The following CSMD1 variants were observed in gnomAD, a reference collection of about 807,000 sequenced individuals.
CSMD1 encodes CUB and sushi domain-containing protein 1.
Under a neutral mutation model 417.5 loss-of-function variants are expected in CSMD1, and 213 were observed. The ratio of observed to expected loss-of-function variants is 0.51; its 90% CI spans 0.46 to 0.57. The LOEUF (loss-of-function observed/expected upper bound fraction) is 0.57, where lower values mean the gene tolerates loss of function less well. Among genes scored for constraint, CSMD1 ranks in the 20% least tolerant of loss-of-function variants. CSMD1 has a pLI of 0.00. For missense variants in CSMD1, 6,923 were observed against 4,529.7 expected (o/e 1.53, Z -15.17); for synonymous variants, 2,862 against 1,736.8 (o/e 1.65, Z -16.11).
chr8:4,416,457 TAATA>T lies in CSMD1; in HGVS notation c.415+3492_415+3495del, dbSNP rs528946879. On this transcript the variant is annotated intron_variant, in intron 3 of 69. Transcript: ENST00000635120. ...TAGAAAACATTTGAAATTATATTCA[TAATA>T]AACACGTGCATTAAAATTGATATTT... 3.5e-3 allele frequency among the ~76,000 whole-genome samples: 530 copies of T among 152,248 alleles called. 5 individuals are homozygous for T. Among genetic ancestry groups the T allele is most frequent in the Non-Finnish European group, 4.9e-3 (330 of 67,974 alleles).
intron 1 of CSMD1, among the ~76,000 whole-genome samples, chr8:4,916,554 G>A (rs556346456): frequency 2.1e-3 from 326 of 152,266 alleles, no homozygotes; most frequent in Non-Finnish European, 3.7e-3. Context: ...AATGCACGTG[G>A]CACTCAAATA....
intron 3 of CSMD1, among the ~76,000 whole-genome samples, chr8:4,412,320 A>G (rs1796694670): frequency 6.6e-6 from 1 of 151,990 alleles, no homozygotes; most frequent in South Asian, 2.1e-4. Context: ...ACACAGCGCA[A>G]AAGATTCACC....
intron 23 of CSMD1, among the ~76,000 whole-genome samples, chr8:3,336,295 C>G (rs1307547599): frequency 6.6e-6 from 1 of 152,130 alleles, no homozygotes; most frequent in African/African-American, 2.4e-5. Flanking sequence ...GCCCCTGAAC[C>G]CTGAGAACTG....
chr8:3,812,934 G>T (rs114628601), intron 5 of CSMD1, among the ~76,000 whole-genome samples: 1 of 152,046 alleles, frequency 6.6e-6, no homozygotes, highest in Non-Finnish European at 1.5e-5. Context: ...CTTTGATAAC[G>T]TCAGGTATCT....
chr8:3,610,323 A>C (rs113251574), intron 8 of CSMD1, among the ~76,000 whole-genome samples: 19 of 152,282 alleles, frequency 1.2e-4, no homozygotes, highest in African/African-American at 4.6e-4. Flanking sequence ...GCTTGAGGCC[A>C]GGAGTTAGAA....
chr8:4,025,396 T>C (rs1379600562), intron 4 of CSMD1, among the ~76,000 whole-genome samples: 1 of 152,232 alleles, frequency 6.6e-6, no homozygotes, highest in African/African-American at 2.4e-5. Flanking sequence ...AAGTAATTTA[T>C]AATCTATCCT....
rs371962193 is a variant in CSMD1, at chr8:3,436,947, T to TA, written c.1562-27343dup. On this transcript the variant is annotated intron_variant, in intron 12 of 69. Transcript: ENST00000635120. ...TTCTCCAAAAAAAAGAGTGTGAAGC[T>TA]AAAAAAAAGAGAGAAAAAAGCATGC... Among the ~76,000 whole-genome samples, 55 of 151,658 alleles carry TA rather than the reference T, an allele frequency of 3.6e-4. 1 individual carries two copies. Among genetic ancestry groups the TA allele is most frequent in the African/African-American group, 8.9e-4 (37 of 41,344 alleles).
At chr8:3,391,203 T>C (rs1979828) in intron 17 of CSMD1, among the ~76,000 whole-genome samples, 71,834 of 152,004 alleles carry the variant, frequency 0.47, 17,419 homozygotes, top group African/African-American at 0.57. Flanking sequence ...CACGCACATA[T>C]AAACCACTAA....
chr8:3,479,939 CAGAAG>C (rs1345280602), intron 11 of CSMD1, among the ~76,000 whole-genome samples: 4 of 151,884 alleles, frequency 2.6e-5, no homozygotes, highest in African/African-American at 9.7e-5. Flanking sequence ...CTAAAAATAA[CAGAAG>C]AGAAAACTAA....
intron 3 of CSMD1, among the ~76,000 whole-genome samples, chr8:4,415,471 CTG>C (rs1319754642): frequency 1.3e-5 from 2 of 152,178 alleles, no homozygotes; most frequent in Non-Finnish European, 2.9e-5. Flanking sequence ...TGAGCCCACT[CTG>C]TGATGGCCTC....
At chr8:4,883,848 T>G (rs936643781) in intron 1 of CSMD1, among the ~76,000 whole-genome samples, 1 of 152,088 alleles carries the variant, frequency 6.6e-6, no homozygotes, top group African/African-American at 2.4e-5. Flanking sequence ...GATTTATAAC[T>G]GGGGGTGAAA....
chr8:3,257,029 A>G (rs1800702953), intron 26 of CSMD1, among the ~76,000 whole-genome samples: 1 of 152,194 alleles, frequency 6.6e-6, no homozygotes, highest in African/African-American at 2.4e-5. Context: ...TCATTCAGAA[A>G]TACTTCTGAG....
At chr8:3,297,524 G>C (rs1046829313) in intron 25 of CSMD1, among the ~76,000 whole-genome samples, 5 of 152,102 alleles carry the variant, frequency 3.3e-5, no homozygotes. Flanking sequence ...AGATCTAGTT[G>C]TCTCGTTAAT....
chr8:4,441,963 A>T lies in CSMD1; in HGVS notation c.303-21898T>A, dbSNP rs73660814. Among the ~76,000 whole-genome samples the T allele has an allele frequency of 4.5e-3, 690 of 152,302 alleles. 6 individuals carry two copies. Among genetic ancestry groups the T allele is most frequent in the African/African-American group, 0.016 (652 of 41,566 alleles). On this transcript the variant is annotated intron_variant, in intron 2 of 69. Transcript: ENST00000635120. ...CATTGTACTGAGAAACTCAGGGGCC[A>T]AATGTTCCGAAAACCAAATAATAAA...
chr8:4,590,227 G>C (rs578035296), intron 2 of CSMD1, among the ~76,000 whole-genome samples: 2 of 151,986 alleles, frequency 1.3e-5, no homozygotes, highest in African/African-American at 2.4e-5. Flanking sequence ...TGTGTTACAA[G>C]AGTAGTGTCT....
intron 1 of CSMD1, among the ~76,000 whole-genome samples, chr8:4,716,972 A>G (rs936777404): frequency 2.6e-5 from 4 of 152,206 alleles, no homozygotes; most frequent in Admixed American, 1.3e-4. Flanking sequence ...TTCCATTTCA[A>G]CAAAATCCAA....
intron 1 of CSMD1, among the ~76,000 whole-genome samples, chr8:4,804,507 C>CA (rs1486098345): frequency 6.7e-6 from 1 of 149,064 alleles, no homozygotes; most frequent in Admixed American, 6.7e-5. Context: ...TTTATATTAC[C>CA]ACCAGACAAA....
At chr8:3,791,742 G>C (rs1004388061) in intron 5 of CSMD1, among the ~76,000 whole-genome samples, 10 of 152,266 alleles carry the variant, frequency 6.6e-5, no homozygotes, top group Admixed American at 2.0e-4. Context: ...AGAATCGCTT[G>C]AGCCTGGGAG....
At chr8:4,029,710 C>A (rs186237480) in intron 4 of CSMD1, among the ~76,000 whole-genome samples, 156 of 152,300 alleles carry the variant, frequency 1.0e-3, no homozygotes, top group Middle Eastern at 0.01. Context: ...GCCTTCCCAA[C>A]AGTCCCCCAA....
Sources: allele counts gnomAD v4.1 joint callset (sites outside exome capture counted in the v4.1 genomes callset), GRCh38; gene constraint gnomAD v4.1.1; transcripts MANE v1.5; gene names NCBI Gene and HGNC (gene_info 2026-07-23, HGNC 2026-07-21).